LRRC8D: variants seen among roughly 807,000 people sequenced by gnomAD.
LRRC8D encodes the protein volume-regulated anion channel subunit LRRC8D.
Under a neutral mutation model 55.8 loss-of-function variants are expected in LRRC8D, and 20 were observed. The ratio of observed to expected loss-of-function variants is 0.36; its 90% CI spans 0.25 to 0.52. LRRC8D has a LOEUF of 0.52. Ranked by LOEUF, LRRC8D falls within the 20% of genes least tolerant of loss-of-function variation. The pLI is 0.93. For missense variants in LRRC8D, 651 were observed against 1,030.8 expected, an observed-to-expected ratio of 0.63 and a Z score of 5.05; for synonymous variants, 352 against 377.0, an observed-to-expected ratio of 0.93 and a Z score of 0.77.
intron 2 of LRRC8D, among the ~76,000 whole-genome samples, chr1:89,920,332 T>C (rs1663378955): frequency 6.6e-6 from 1 of 152,222 alleles, no homozygotes; most frequent in African/African-American, 2.4e-5. Flanking sequence ...TTATGAATTT[T>C]CTATAGTCCT....
At chr1:89,834,633 A>G (rs1441597448) in intron 1 of LRRC8D, among the ~76,000 whole-genome samples, 1 of 152,244 alleles carries the variant, frequency 6.6e-6, no homozygotes, top group Non-Finnish European at 1.5e-5. Context: ...AGTTTGCAGT[A>G]TATGTTGTAA....
chr1:89,913,468 T>C (rs184211389), intron 2 of LRRC8D, among the ~76,000 whole-genome samples: 19 of 152,368 alleles, frequency 1.2e-4, no homozygotes, highest in African/African-American at 4.6e-4. Flanking sequence ...CAGGACTCAA[T>C]ACTTCTTTCT....
rs1021417054 is a variant in LRRC8D, at chr1:89,821,272, C to A, written c.-167C>A. 3 of 151,876 alleles carry A rather than the reference C, an allele frequency of 2.0e-5. No homozygotes were observed. Among genetic ancestry groups the A allele is most frequent in the East Asian group, 1.9e-4 (1 of 5,182 alleles). The allele number at this position is 151,876 out of a possible 1,614,324, so 9.4% of individuals were successfully genotyped here. A position where few individuals can be genotyped will look rare whatever the true frequency, so the allele number is the denominator to read the frequency against. ...GGCCTCAGCATAAGCCGTGGCTTGG[C>A]GGCCGAGCTGCACCCCAAGGTTGGT... On this transcript the variant is annotated 5_prime_UTR_variant, in exon 1 of 3. Coordinates refer to ENST00000337338, the MANE Select transcript of LRRC8D (RefSeq NM_001134479.2).
intron 2 of LRRC8D, among the ~76,000 whole-genome samples, chr1:89,876,074 G>A (rs1375339072): frequency 1.3e-5 from 2 of 152,154 alleles, no homozygotes; most frequent in East Asian, 1.9e-4. Context: ...CCCAGGCCAG[G>A]CAGATACCAC....
intron 1 of LRRC8D, among the ~76,000 whole-genome samples, chr1:89,830,269 G>C (rs1660856211): frequency 6.6e-6 from 1 of 152,090 alleles, no homozygotes; most frequent in Non-Finnish European, 1.5e-5. Context: ...CATTTAGCCA[G>C]TAATAAAGTA....
rs996275495 is a variant in LRRC8D, at chr1:89,906,199, A to G, written c.-2-26868A>G. On this transcript the variant is annotated intron_variant, in intron 2 of 2. Transcript: ENST00000337338. The stretch of plus-strand genomic sequence containing the variant: ...GGCTTAAAAAAATCCCTATTTGACT[A>G]AAGAAAATGAGCGGAACAATTCCTC... Among the ~76,000 whole-genome samples the G allele has an allele frequency of 2.0e-5, 3 of 152,180 alleles. No individual in the cohort carries two copies. The East Asian group carries it at 5.8e-4, about 29-fold the overall frequency.
intron 2 of LRRC8D, among the ~76,000 whole-genome samples, chr1:89,891,088 G>A (rs999148011): frequency 1.3e-5 from 2 of 152,118 alleles, no homozygotes; most frequent in Non-Finnish European, 2.9e-5. Flanking sequence ...CACCGTGTTA[G>A]CCAGGATGGT....
At chr1:89,924,582 A>G (rs1290769751) in intron 2 of LRRC8D, among the ~76,000 whole-genome samples, 1 of 152,226 alleles carries the variant, frequency 6.6e-6, no homozygotes, top group Non-Finnish European at 1.5e-5. Context: ...CCAAAGGAAA[A>G]CAAATCATTC....
At chr1:89,834,040 C>A (rs1660946492) in intron 1 of LRRC8D, among the ~76,000 whole-genome samples, 1 of 152,076 alleles carries the variant, frequency 6.6e-6, no homozygotes, top group South Asian at 2.1e-4. Context: ...AGCAAACAGC[C>A]AAGCTAGAGT....
At position 89,934,474 on chromosome 1, in the gene LRRC8D, A is replaced by T; in HGVS notation, c.1406A>T (p.Gln469Leu). The T allele has an allele frequency of 1.9e-6, 3 of 1,614,218 alleles. No individual in the cohort carries two copies. Among genetic ancestry groups the T allele is most frequent in the Non-Finnish European group, 2.5e-6 (3 of 1,180,028 alleles). Reference sequence around the variant, plus strand: ...AGGCAGCACATTTCACGCAACGCCCAGGACAAGCAGGAGTTGCATCTGTTC... The same window carrying T: ...AGGCAGCACATTTCACGCAACGCCCTGGACAAGCAGGAGTTGCATCTGTTC... ...KLRQHISRNA[Q>L]DKQELHLFML... Residue 469 changes from glutamine (Q) to leucine (L), a missense_variant, in exon 3 of 3, where the codon CAG (glutamine) becomes CTG (leucine). Around this residue, in one of 5 missense-constraint regions of LRRC8D, gnomAD observed 338 missense variants for 479.4 expected, o/e 0.71. Coordinates refer to ENST00000337338, the MANE Select transcript of LRRC8D (RefSeq NM_001134479.2). The surrounding 1 kb of genome is among the most constrained non-coding windows in gnomAD (Gnocchi z 5.9).
intron 2 of LRRC8D, among the ~76,000 whole-genome samples, chr1:89,880,786 A>G (rs916091922): frequency 2.8e-4 from 42 of 152,178 alleles, no homozygotes; most frequent in African/African-American, 9.7e-4. Flanking sequence ...TATTCATTCT[A>G]TTCCAAATAC....
At position 89,921,587 on chromosome 1, in the gene LRRC8D, C is replaced by T. The variant is rs181719038; in HGVS notation, c.-2-11480C>T. 2.6e-5 allele frequency among the ~76,000 whole-genome samples: 4 copies of T among 152,056 alleles called. No homozygotes were observed. In the East Asian group the frequency reaches 7.7e-4, roughly 29 times the overall value. ...AGAGAGAGAGTCTTGCTCTGTTGCC[C>T]AGGTTGGAGTGCAATGGCACAATCT... On this transcript the variant is annotated intron_variant, in intron 2 of 2. Coordinates refer to ENST00000337338, the MANE Select transcript of LRRC8D (RefSeq NM_001134479.2).
chr1:89,927,993 T>A (rs1367030086), intron 2 of LRRC8D, among the ~76,000 whole-genome samples: 1 of 152,186 alleles, frequency 6.6e-6, no homozygotes, highest in East Asian at 1.9e-4. Flanking sequence ...GCATGGTGGA[T>A]TACAAAGGTG....
At chr1:89,860,809 T>TACAC (rs1553123943) in intron 2 of LRRC8D, among the ~76,000 whole-genome samples, 4 of 105,538 alleles carry the variant, frequency 3.8e-5, no homozygotes, top group African/African-American at 1.5e-4. Context: ...TATATATATA[T>TACAC]ACACACACAG....
rs530146452 is a variant in LRRC8D at position 89,875,897 on chromosome 1, T to C, written c.-3+32115T>C. 2.0e-4 allele frequency among the ~76,000 whole-genome samples: 30 copies of C among 152,326 alleles called. 1 individual carries two copies. In the South Asian group the frequency reaches 6.0e-3, roughly 31 times the overall value. ...AAGGTCACAGCTAATAATGAATGAATCAGTTTGTAAAGGAATTTAAAAAAT... is the reference window on the plus strand; with the variant it reads ...AAGGTCACAGCTAATAATGAATGAACCAGTTTGTAAAGGAATTTAAAAAAT... On this transcript the variant is annotated intron_variant, in intron 2 of 2. Transcript: ENST00000337338.
chr1:89,934,981 C>A lies in LRRC8D; in HGVS notation c.1913C>A (p.Ala638Asp). 6.2e-7 allele frequency: 1 copy of A among 1,614,122 alleles called. No homozygotes were observed. The highest frequency in any genetic ancestry group is 8.5e-7 in the Non-Finnish European group (1 of 1,180,024). ...LNSLKKMMNV[A>D]ELELQNCELE... ...AGCCTTAAGAAAATGATGAATGTCG[C>A]TGAGCTGGAACTCCAGAACTGTGAG... is the stretch of plus-strand genomic sequence containing the variant. Residue 638 changes from alanine (A) to aspartate (D), a missense_variant, in exon 3 of 3, where the codon GCT becomes GAT. Ala to Asp is a moderately radical substitution (Grantham distance 126, BLOSUM62 -2). Transcript: ENST00000337338. This position sits in a 1 kb window ranked among gnomAD's most constrained non-coding sequence, Gnocchi z 5.9.
chr1:89,895,554 TG>T (rs1259438251), intron 2 of LRRC8D, among the ~76,000 whole-genome samples: 3 of 152,252 alleles, frequency 2.0e-5, no homozygotes, highest in Non-Finnish European at 2.9e-5. Flanking sequence ...ATGTACTGTT[TG>T]TTTTTTTACT....
chr1:89,864,539 T>C (rs903109733), intron 2 of LRRC8D, among the ~76,000 whole-genome samples: 4 of 152,176 alleles, frequency 2.6e-5, no homozygotes, highest in Non-Finnish European at 4.4e-5. Flanking sequence ...TTAACTGTGC[T>C]GTGGGCTGCT....
At chr1:89,898,976 A>G (rs1043211244) in intron 2 of LRRC8D, among the ~76,000 whole-genome samples, 1 of 152,232 alleles carries the variant, frequency 6.6e-6, no homozygotes, top group African/African-American at 2.4e-5. Context: ...CGCTGGATGT[A>G]AAGGAAAGGA....
Sources: allele counts gnomAD v4.1 joint callset (sites outside exome capture counted in the v4.1 genomes callset), GRCh38; gene constraint gnomAD v4.1.1; regional missense constraint gnomAD v4.1.1; non-coding constraint Gnocchi (gnomAD v3.1); transcripts MANE v1.5; gene names NCBI Gene and HGNC (gene_info 2026-07-23, HGNC 2026-07-21).